The following MMS22L variants were observed in gnomAD, a reference collection of about 807,000 sequenced individuals.
The protein encoded by MMS22L is protein MMS22-like.
A neutral mutation model predicts 159.1 loss-of-function variants in MMS22L; 74 were observed. The observed-to-expected ratio is 0.47, with a 90% confidence interval of 0.39 to 0.56. MMS22L has a LOEUF of 0.56. Ranked by LOEUF, MMS22L falls within the 20% of genes least tolerant of loss-of-function variation. The probability of loss-of-function intolerance (pLI) is 0.00; values close to 1 mark genes in which losing one functional copy is unlikely to be tolerated. For synonymous variants in MMS22L, 517 were observed against 506.9 expected (o/e 1.02, Z -0.27); for missense variants, 1,351 against 1,422.1 (o/e 0.95, Z 0.80).
intron 16 of MMS22L, among the ~76,000 whole-genome samples, chr6:97,181,268 A>G (rs931338191): frequency 6.6e-6 from 1 of 152,116 alleles, no homozygotes; most frequent in African/African-American, 2.4e-5. Flanking sequence ...TTGTATATTT[A>G]TTTTATTTTC....
At chr6:97,193,889 T>C (rs919814370) in intron 14 of MMS22L, among the ~76,000 whole-genome samples, 1 of 151,818 alleles carries the variant, frequency 6.6e-6, no homozygotes, top group African/African-American at 2.4e-5. Flanking sequence ...GCTTCTCGAG[T>C]AGCTGGGACT....
rs118014306 is a variant in MMS22L at position 97,275,245 on chromosome 6, T to C, written c.341-2183A>G. Reference sequence around the variant, plus strand: ...AGAAATGACAGTGATAAAAGAATTATTGGCCGGGCATGGTGGCTCACGCCT... The same window carrying C: ...AGAAATGACAGTGATAAAAGAATTACTGGCCGGGCATGGTGGCTCACGCCT... On this transcript the variant is annotated intron_variant, in intron 4 of 24. Coordinates refer to ENST00000683635, the MANE Select transcript of MMS22L (RefSeq NM_001350599.2). Among the ~76,000 whole-genome samples the C allele has an allele frequency of 1.4e-3, 212 of 152,318 alleles. 5 individuals are homozygous for C. In the East Asian group the frequency reaches 0.04, roughly 29 times the overall value.
At chr6:97,146,994 A>G (rs1434507232) in intron 24 of MMS22L, 107 bp from the exon 25 acceptor site, 2 of 715,270 alleles carry the variant, frequency 2.8e-6, no homozygotes, top group Non-Finnish European at 4.6e-6. Flanking sequence ...CCATCTATTC[A>G]GCCATCCATC....
chr6:97,204,794 C>CAAAAAA (rs58113888), intron 14 of MMS22L, among the ~76,000 whole-genome samples: 1 of 106,404 alleles, frequency 9.4e-6, no homozygotes, highest in Non-Finnish European at 1.8e-5. Flanking sequence ...GACTCAGTGT[C>CAAAAAA]AAAAAAAAAA....
chr6:97,173,236 A>C lies in MMS22L; in HGVS notation c.2680-14T>G, dbSNP rs1188994414. On this transcript the variant is annotated splice_polypyrimidine_tract_variant and intron_variant, in intron 18 of 24. Coordinates refer to ENST00000683635, the MANE Select transcript of MMS22L (RefSeq NM_001350599.2). ...TACACCAACAGCCTATAAATAAAGA[A>C]AAACATTATTTAACTTCCCAAAGTT... is the stretch of plus-strand genomic sequence containing the variant. The C allele has an allele frequency of 6.2e-7, 1 of 1,600,382 alleles. No homozygotes were observed. Among genetic ancestry groups the C allele is most frequent in the African/African-American group, 1.4e-5 (1 of 73,972 alleles).
At chr6:97,190,697 T>C (rs1481172445) in intron 14 of MMS22L, among the ~76,000 whole-genome samples, 2 of 152,138 alleles carry the variant, frequency 1.3e-5, no homozygotes, top group Non-Finnish European at 2.9e-5. Flanking sequence ...ATGAGAAAAT[T>C]GAGACAAAAG....
intron 16 of MMS22L, among the ~76,000 whole-genome samples, chr6:97,180,542 C>T (rs995313250): frequency 1.3e-5 from 2 of 151,976 alleles, no homozygotes; most frequent in African/African-American, 4.8e-5. Flanking sequence ...TGAAATACCT[C>T]GAATATAAGT....
At chr6:97,203,085 A>G (rs1807353957) in intron 14 of MMS22L, among the ~76,000 whole-genome samples, 1 of 152,342 alleles carries the variant, frequency 6.6e-6, no homozygotes, top group East Asian at 1.9e-4. Flanking sequence ...GCTTTTTGTT[A>G]TTGCACTACT....
chr6:97,252,225 C>T (rs186494219), intron 10 of MMS22L, among the ~76,000 whole-genome samples: 6 of 152,092 alleles, frequency 3.9e-5, no homozygotes, highest in Admixed American at 1.3e-4. Context: ...GAATATCTGG[C>T]GGGGTCAATA....
intron 10 of MMS22L, among the ~76,000 whole-genome samples, chr6:97,251,944 G>T (rs964101858): frequency 2.0e-5 from 3 of 152,084 alleles, no homozygotes; most frequent in Non-Finnish European, 4.4e-5. Flanking sequence ...TTAGCCAGGC[G>T]TGGTGGCCGG....
chr6:97,283,453 C>T (rs1816954398), upstream of MMS22L: 1 of 151,956 alleles, frequency 6.6e-6, no homozygotes. Flanking sequence ...TGGGTTTATC[C>T]TCTGGCCGGA....
chr6:97,151,126 G>A lies in MMS22L; in HGVS notation c.3482+645C>T, dbSNP rs192873261. Among the ~76,000 whole-genome samples the A allele has an allele frequency of 2.0e-5, 3 of 152,270 alleles. No homozygotes were observed. The East Asian group carries it at 5.8e-4, about 29-fold the overall frequency. ...GCAAGGTCTGAAGGCCTGTGTACCT[G>A]TCATCATGACTCACATTTCCCACTT... On this transcript the variant is annotated intron_variant, in intron 23 of 24. Coordinates refer to ENST00000683635, the MANE Select transcript of MMS22L (RefSeq NM_001350599.2).
At chr6:97,213,429 G>A (rs927186389) in intron 14 of MMS22L, among the ~76,000 whole-genome samples, 9 of 151,994 alleles carry the variant, frequency 5.9e-5, no homozygotes, top group African/African-American at 2.2e-4. Flanking sequence ...AGAGGTTGTA[G>A]AAATTTCCAT....
At chr6:97,166,728 T>C (rs1430895267) in intron 20 of MMS22L, among the ~76,000 whole-genome samples, 1 of 152,132 alleles carries the variant, frequency 6.6e-6, no homozygotes, top group Non-Finnish European at 1.5e-5. Flanking sequence ...TTACGAAGCT[T>C]AAGAGAATTC....
At chr6:97,276,559 C>A (rs1816261253) in intron 4 of MMS22L, among the ~76,000 whole-genome samples, 1 of 152,174 alleles carries the variant, frequency 6.6e-6, no homozygotes, top group African/African-American at 2.4e-5. Flanking sequence ...GCTTTTATCC[C>A]TTCCAAATTC....
chr6:97,150,700 A>G (rs1801238140), intron 23 of MMS22L, among the ~76,000 whole-genome samples: 1 of 151,958 alleles, frequency 6.6e-6, no homozygotes, highest in East Asian at 1.9e-4. Flanking sequence ...CACAATTTAA[A>G]TAAACTATAA....
intron 7 of MMS22L, among the ~76,000 whole-genome samples, 200 bp from the exon 8 acceptor site, chr6:97,268,202 T>G (rs888986910): frequency 3.3e-5 from 5 of 151,544 alleles, no homozygotes; most frequent in Middle Eastern, 3.4e-3. Context: ...TTTTTTTTTT[T>G]TTTTGAGGCG....
rs1233954188 is a variant in MMS22L at position 97,145,063 on chromosome 6, C to CAAAA, written c.*1742_*1743insTTTT. On this transcript the variant is annotated 3_prime_UTR_variant, in exon 25 of 25. Coordinates refer to ENST00000683635, the MANE Select transcript of MMS22L (RefSeq NM_001350599.2). The stretch of plus-strand genomic sequence containing the variant: ...ACACACACACACACACACACACACA[C>CAAAA]ACAAAAACACATATACACATAAATA... 2.7e-4 allele frequency: 38 copies of CAAAA among 138,718 alleles called. No homozygotes were observed. The highest frequency in any genetic ancestry group is 1.2e-3 in the African/African-American group (37 of 31,438). 8.6% of individuals were successfully genotyped at this position (138,718 alleles called of 1,614,324 possible).
chr6:97,179,545 G>T lies in MMS22L; in HGVS notation c.2399C>A (p.Ala800Glu). Residue 800 changes from alanine to glutamate, a missense_variant, in exon 17 of 25, where the codon GCA (alanine) becomes GAA (glutamate). Coordinates refer to ENST00000683635, the MANE Select transcript of MMS22L (RefSeq NM_001350599.2). ...AGATACATAGCCTGAATGAGAAAGT[G>T]CTTCACATAATGTGCTGTAGAAACA... Reference protein sequence around the residue: ...HVLQNSTLCEALSHSGYVSFQ... With the variant: ...HVLQNSTLCEELSHSGYVSFQ... The T allele has an allele frequency of 6.2e-7, 1 of 1,609,450 alleles. No homozygotes were observed. Among genetic ancestry groups the T allele is most frequent in the South Asian group, 1.1e-5 (1 of 89,948 alleles).
Sources: allele counts gnomAD v4.1 joint callset (sites outside exome capture counted in the v4.1 genomes callset), GRCh38; gene constraint gnomAD v4.1.1; transcripts MANE v1.5; gene names NCBI Gene and HGNC (gene_info 2026-07-23, HGNC 2026-07-21).